The following ALKBH8 variants were observed in gnomAD, a reference collection of about 807,000 sequenced individuals.
ALKBH8 encodes alkB homolog 8, tRNA methyltransferase.
Under a neutral mutation model 59.8 loss-of-function variants are expected in ALKBH8, and 36 were observed. That is an observed-to-expected ratio of 0.60 (90% CI 0.46 to 0.79). The LOEUF is 0.79. Ranked by LOEUF, ALKBH8 falls within the 30% of genes least tolerant of loss-of-function variation. The probability of loss-of-function intolerance (pLI) is 0.00; values close to 1 mark genes in which losing one functional copy is unlikely to be tolerated. For synonymous variants in ALKBH8, 276 were observed against 273.6 expected (o/e 1.01, Z -0.09); for missense variants, 768 against 801.0 (o/e 0.96, Z 0.50).
At chr11:107,508,194 G>C (rs554778679) in intron 11 of ALKBH8, among the ~76,000 whole-genome samples, 406 of 135,180 alleles carry the variant, frequency 3.0e-3, no homozygotes, top group Non-Finnish European at 4.6e-3. Flanking sequence ...TTTTTTTTGA[G>C]ATGGAGTCTC....
chr11:107,555,026 G>A (rs1864647306), intron 3 of ALKBH8, among the ~76,000 whole-genome samples: 1 of 152,138 alleles, frequency 6.6e-6, no homozygotes, highest in African/African-American at 2.4e-5. Flanking sequence ...TTGGGAGTCC[G>A]AGGTGGGCGG....
At chr11:107,561,439 T>C (rs1440549269) in intron 1 of ALKBH8, among the ~76,000 whole-genome samples, 15 of 151,686 alleles carry the variant, frequency 9.9e-5, no homozygotes. Flanking sequence ...GCTATTTCTG[T>C]GGGTGAAAGG....
At chr11:107,508,662 C>T (rs539201859) in intron 11 of ALKBH8, among the ~76,000 whole-genome samples, 27 of 152,258 alleles carry the variant, frequency 1.8e-4, no homozygotes, top group African/African-American at 6.5e-4. Context: ...ATCATAGCAA[C>T]TCCCATGCCT....
At chr11:107,552,103 ATT>A (rs34582611) in intron 5 of ALKBH8, among the ~76,000 whole-genome samples, 191 bp from the exon 6 acceptor site, 1 of 151,438 alleles carries the variant, frequency 6.6e-6, no homozygotes. Context: ...CATTTCATTG[ATT>A]TTTTTTCAGA....
intron 3 of ALKBH8, among the ~76,000 whole-genome samples, chr11:107,556,211 G>A (rs1308701974): frequency 6.6e-6 from 1 of 152,190 alleles, no homozygotes; most frequent in African/African-American, 2.4e-5. Flanking sequence ...CCGGGAGGTG[G>A]AGGTTGCAGT....
chr11:107,544,230 G>C lies in ALKBH8; in HGVS notation c.771+5523C>G, dbSNP rs557674025. Among the ~76,000 whole-genome samples the C allele has an allele frequency of 1.2e-4, 19 of 152,270 alleles. No homozygotes were observed. In the East Asian group the frequency reaches 3.5e-3, roughly 28 times the overall value. On this transcript the variant is annotated intron_variant, in intron 7 of 11. Transcript: ENST00000428149. The stretch of plus-strand genomic sequence containing the variant: ...AGATGGAAGAATCAGTACTCCAAAG[G>C]CTCCAAATACAGCAGCATGTTCTAT...
chr11:107,511,439 G>A (rs1333480971), intron 10 of ALKBH8, among the ~76,000 whole-genome samples: 1 of 152,150 alleles, frequency 6.6e-6, no homozygotes, highest in African/African-American at 2.4e-5. Flanking sequence ...GATGTTCTAA[G>A]ATATCTCTCA....
chr11:107,565,548 G>C (rs1018082090), intron 1 of ALKBH8, 53 bp downstream of exon 1: 2 of 1,535,388 alleles, frequency 1.3e-6, no homozygotes, highest in Non-Finnish European at 1.7e-6. Flanking sequence ...AGGCTGAAAA[G>C]AGGAAGCGGT....
intron 7 of ALKBH8, among the ~76,000 whole-genome samples, chr11:107,536,168 T>C (rs1256892027): frequency 1.3e-5 from 2 of 152,232 alleles, no homozygotes; most frequent in Non-Finnish European, 2.9e-5. Context: ...TTCTGTTTTC[T>C]ATATGTCACT....
intron 11 of ALKBH8, among the ~76,000 whole-genome samples, chr11:107,510,045 G>C (rs73551696): frequency 0.014 from 2,087 of 152,240 alleles, 42 homozygotes; most frequent in African/African-American, 0.048. Flanking sequence ...AAGCCACTGA[G>C]GCCTAGTGGC....
At chr11:107,514,138 G>T (rs1380445833) in intron 10 of ALKBH8, among the ~76,000 whole-genome samples, 2 of 152,054 alleles carry the variant, frequency 1.3e-5, no homozygotes, top group African/African-American at 4.8e-5. Flanking sequence ...TGAGTATGCA[G>T]TGAAGAATGT....
chr11:107,516,734 A>G (rs963263564), intron 10 of ALKBH8, among the ~76,000 whole-genome samples: 20 of 152,206 alleles, frequency 1.3e-4, no homozygotes, highest in Non-Finnish European at 2.4e-4. Flanking sequence ...AAATATATCA[A>G]CAGGCTGGGC....
chr11:107,565,236 C>T (rs1385573918), intron 1 of ALKBH8: 2 of 321,116 alleles, frequency 6.2e-6, no homozygotes, highest in Non-Finnish European at 1.2e-5. Context: ...ATCAGATCAT[C>T]AGCACTGCCT....
chr11:107,512,303 G>GT lies in ALKBH8; in HGVS notation c.1288-1268dup, dbSNP rs1555039418. Among the ~76,000 whole-genome samples the GT allele has an allele frequency of 1.7e-3, 14 of 8,010 alleles. No homozygotes were observed. In the South Asian group the frequency reaches 0.034, roughly 20 times the overall value. 5.3% of individuals were successfully genotyped at this position (8,010 alleles called of 152,430 possible). On this transcript the variant is annotated intron_variant, in intron 10 of 11. Transcript: ENST00000428149. ...GGCTTAAGACTTTTTTATTTTAAGG[G>GT]TTTTTTTTTGTTTGTTTGTTTTGGT... is the stretch of plus-strand genomic sequence containing the variant.
chr11:107,548,620 A>G lies in ALKBH8; in HGVS notation c.771+1133T>C, dbSNP rs371100140. Among the ~76,000 whole-genome samples the G allele has an allele frequency of 1.1e-4, 17 of 152,340 alleles. No individual in the cohort carries two copies. The East Asian group carries it at 2.1e-3, about 19-fold the overall frequency. ...ACATAGTTAATAAGATGGTTGTGTC[A>G]TATCAAACACCACTAATTGTCAAGT... On this transcript the variant is annotated intron_variant, in intron 7 of 11. Transcript: ENST00000428149.
intron 8 of ALKBH8, among the ~76,000 whole-genome samples, chr11:107,526,695 A>G (rs1004017858): frequency 6.6e-6 from 1 of 151,974 alleles, no homozygotes; most frequent in Non-Finnish European, 1.5e-5. Context: ...CTTTTAGACC[A>G]TTTTACACTT....
In ALKBH8 at chr11:107,557,086, T is replaced by A. The variant is rs112523545; in HGVS notation, c.130-83A>T. On this transcript the variant is annotated intron_variant, in intron 2 of 11. Coordinates refer to ENST00000428149, the MANE Select transcript of ALKBH8 (RefSeq NM_138775.3). ...ATTTGTTTTAAAATAAGATTTTTTT[T>A]AAAAAAGATGTAATTAAGAAAAAAA... is the stretch of plus-strand genomic sequence containing the variant. 2,662 of 1,037,902 alleles carry A rather than the reference T, an allele frequency of 2.6e-3. 26 individuals are homozygous for A. In the African/African-American group the frequency reaches 0.026, roughly 10 times the overall value. The allele number at this position is 1,037,902 out of a possible 1,614,324, so 64.3% of individuals were successfully genotyped here. A position where few individuals can be genotyped will look rare whatever the true frequency, so the allele number is the denominator to read the frequency against.
At chr11:107,532,453 A>C in intron 7 of ALKBH8, 47 bp from the exon 8 acceptor site, 1 of 1,413,102 alleles carries the variant, frequency 7.1e-7, no homozygotes, top group Non-Finnish European at 1.0e-6. Context: ...AATTTCATAT[A>C]CTCCAAGGAT....
At chr11:107,560,676 A>C (rs1591332129) in intron 2 of ALKBH8, 89 bp downstream of exon 2, 3 of 1,265,234 alleles carry the variant, frequency 2.4e-6, no homozygotes, top group East Asian at 5.0e-5. Flanking sequence ...GAACAATTAC[A>C]GCCTTAGGCA....
Sources: allele counts gnomAD v4.1 joint callset (sites outside exome capture counted in the v4.1 genomes callset), GRCh38; gene constraint gnomAD v4.1.1; transcripts MANE v1.5; gene names NCBI Gene and HGNC (gene_info 2026-07-23, HGNC 2026-07-21).